Variants in PID1 observed in about 807,000 individuals in gnomAD.
The protein encoded by PID1 is phosphotyrosine interaction domain containing 1.
A neutral mutation model predicts 19.1 loss-of-function variants in PID1; 10 were observed. The observed-to-expected ratio is 0.52, with a 90% CI of 0.32 to 0.89. The LOEUF (loss-of-function observed/expected upper bound fraction) is 0.89, where lower values mean the gene tolerates loss of function less well. Among genes scored for constraint, PID1 ranks in the 40% least tolerant of loss-of-function variants. The pLI is 0.03. For synonymous variants in PID1, 130 were observed against 116.0 expected, an observed-to-expected ratio of 1.12 and a Z score of -0.78; for missense variants, 248 against 285.3, an observed-to-expected ratio of 0.87 and a Z score of 0.94.
intron 1 of PID1, among the ~76,000 whole-genome samples, chr2:229,270,550 C>CCATG (rs979045520): frequency 6.6e-6 from 1 of 151,344 alleles, no homozygotes; most frequent in African/African-American, 2.4e-5. Flanking sequence ...AAGTAGCATA[C>CCATG]CATGACCAAG....
intron 1 of PID1, among the ~76,000 whole-genome samples, chr2:229,233,797 C>T (rs1020077367): frequency 2.0e-5 from 3 of 152,128 alleles, no homozygotes; most frequent in African/African-American, 7.2e-5. Context: ...CAGCCTTGTG[C>T]TAGATTTTCT....
chr2:229,094,188 T>C (rs1694930080), intron 2 of PID1, among the ~76,000 whole-genome samples: 1 of 152,010 alleles, frequency 6.6e-6, no homozygotes, highest in Non-Finnish European at 1.5e-5. Context: ...CAATCCGCTT[T>C]AAAATAGGAC....
chr2:229,067,457 T>C lies in PID1; in HGVS notation c.178-41349A>G, dbSNP rs150603213. 5.9e-5 allele frequency among the ~76,000 whole-genome samples: 9 copies of C among 152,100 alleles called. No homozygotes were observed. In the East Asian group the frequency reaches 1.4e-3, roughly 23 times the overall value. ...GGGGGAATGTGAAGTTTATACTCAG[T>C]TTTCCTTCTTTTGTGAAATTGAGGC... On this transcript the variant is annotated intron_variant, in intron 2 of 2. Coordinates refer to ENST00000392055, the MANE Select transcript of PID1 (RefSeq NM_001100818.2).
chr2:229,216,882 TA>T (rs1691859138), intron 1 of PID1, among the ~76,000 whole-genome samples: 1 of 150,488 alleles, frequency 6.6e-6, no homozygotes, highest in Non-Finnish European at 1.5e-5. Flanking sequence ...TATATATACA[TA>T]TATTTTTTTA....
intron 2 of PID1, among the ~76,000 whole-genome samples, chr2:229,154,852 T>C (rs1690332568): frequency 6.6e-6 from 1 of 152,216 alleles, no homozygotes; most frequent in Non-Finnish European, 1.5e-5. Flanking sequence ...CATATTTTCT[T>C]TGTGATCTCT....
At chr2:229,202,471 T>C (rs1264737644) in intron 1 of PID1, among the ~76,000 whole-genome samples, 1 of 152,050 alleles carries the variant, frequency 6.6e-6, no homozygotes, top group Non-Finnish European at 1.5e-5. Context: ...ATAGAATGAA[T>C]GGCAGGTAAG....
intron 1 of PID1, among the ~76,000 whole-genome samples, chr2:229,199,155 C>G (rs1258015371): frequency 6.6e-6 from 1 of 152,014 alleles, no homozygotes; most frequent in African/African-American, 2.4e-5. Context: ...CCCAAATATG[C>G]CTGAGACAAC....
chr2:229,245,222 C>G (rs537643036), intron 1 of PID1, among the ~76,000 whole-genome samples: 43 of 152,234 alleles, frequency 2.8e-4, no homozygotes, highest in African/African-American at 8.9e-4. Flanking sequence ...CCCTTTGGAG[C>G]ACATGACTTC....
At chr2:229,076,817 C>T in intron 2 of PID1, among the ~76,000 whole-genome samples, 1 of 152,104 alleles carries the variant, frequency 6.6e-6, no homozygotes, top group East Asian at 1.9e-4. Flanking sequence ...TGGGTTGGTT[C>T]CAAGTCTTTG....
intron 1 of PID1, among the ~76,000 whole-genome samples, chr2:229,216,860 G>A (rs568505061): frequency 6.6e-5 from 10 of 151,986 alleles, no homozygotes; most frequent in Non-Finnish European, 1.2e-4. Context: ...AGGCACTTTA[G>A]AACTCTCATT....
Position 229,181,383 on chromosome 2 carries a change from G to GA in PID1, c.31-25420dup, listed in dbSNP as rs796498505. 3.6e-3 allele frequency among the ~76,000 whole-genome samples: 512 copies of GA among 142,836 alleles called. 3 individuals are homozygous for GA. The highest frequency in any genetic ancestry group is 5.3e-3 in the East Asian group (26 of 4,940). The allele number at this position is 142,836 out of a possible 152,430, so 93.7% of individuals were successfully genotyped here. A position where few individuals can be genotyped will look rare whatever the true frequency, so the allele number is the denominator to read the frequency against. ...AGGTGAACAGCAGAAGTTGATGCTG[G>GA]AAAAAAAAAAAAGATATAGCTCAGG... is the stretch of plus-strand genomic sequence containing the variant. On this transcript the variant is annotated intron_variant, in intron 1 of 2. Coordinates refer to ENST00000392055, the MANE Select transcript of PID1 (RefSeq NM_001100818.2).
chr2:229,180,786 A>T (rs1056495689), intron 1 of PID1, among the ~76,000 whole-genome samples: 1 of 152,016 alleles, frequency 6.6e-6, no homozygotes, highest in Non-Finnish European at 1.5e-5. Flanking sequence ...CATCTCCGCC[A>T]CTCCGGATTC....
At chr2:229,172,130 A>T (rs1261748342) in intron 1 of PID1, among the ~76,000 whole-genome samples, 1 of 152,210 alleles carries the variant, frequency 6.6e-6, no homozygotes, top group Non-Finnish European at 1.5e-5. Flanking sequence ...CTAGCAAAGA[A>T]GTCAAAGCAT....
chr2:229,135,732 T>A (rs985528609), intron 2 of PID1, among the ~76,000 whole-genome samples: 5 of 152,148 alleles, frequency 3.3e-5, no homozygotes, highest in Non-Finnish European at 5.9e-5. Context: ...AAACATGTCA[T>A]GTCCAGAAGG....
intron 2 of PID1, among the ~76,000 whole-genome samples, chr2:229,079,669 A>T (rs1433630064): frequency 6.6e-6 from 1 of 152,204 alleles, no homozygotes; most frequent in Non-Finnish European, 1.5e-5. Context: ...TAGCATCTCC[A>T]GTTGTTCCAT....
intron 2 of PID1, among the ~76,000 whole-genome samples, chr2:229,095,640 C>A (rs922399822): frequency 6.6e-6 from 1 of 152,142 alleles, no homozygotes; most frequent in African/African-American, 2.4e-5. Context: ...ACCATTCATA[C>A]AAAGATACTC....
At chr2:229,098,074 G>A (rs189042178) in intron 2 of PID1, among the ~76,000 whole-genome samples, 5 of 152,310 alleles carry the variant, frequency 3.3e-5, no homozygotes, top group Admixed American at 1.3e-4. Flanking sequence ...ATTGAATCAT[G>A]AGCCTATGCC....
chr2:229,099,576 T>C (rs1695036400), intron 2 of PID1, among the ~76,000 whole-genome samples: 1 of 152,138 alleles, frequency 6.6e-6, no homozygotes, highest in Admixed American at 6.5e-5. Flanking sequence ...GTAAGTCCCA[T>C]GTTAGAATGG....
chr2:229,079,596 C>T (rs899582965), intron 2 of PID1, among the ~76,000 whole-genome samples: 20 of 152,186 alleles, frequency 1.3e-4, no homozygotes, highest in Non-Finnish European at 2.9e-5. Flanking sequence ...GCACTCAAGA[C>T]GTGCCAGGGA....
Sources: allele counts gnomAD v4.1 joint callset (sites outside exome capture counted in the v4.1 genomes callset), GRCh38; gene constraint gnomAD v4.1.1; transcripts MANE v1.5; gene names NCBI Gene and HGNC (gene_info 2026-07-23, HGNC 2026-07-21).